PIN4: variants seen among roughly 807,000 people sequenced by gnomAD.
PIN4 encodes the protein peptidyl-prolyl cis-trans isomerase NIMA-interacting 4.
Under a neutral mutation model 8.3 loss-of-function variants are expected in PIN4, and 3 were observed. That is an observed-to-expected ratio of 0.36 (90% CI 0.16 to 0.93). PIN4 has a LOEUF of 0.93. PIN4 is among the 40% of genes least tolerant of loss of function. The pLI is 0.44. For missense variants in PIN4, 75 were observed against 100.6 expected, an observed-to-expected ratio of 0.75 and a Z score of 1.09; for synonymous variants, 18 against 32.5, an observed-to-expected ratio of 0.55 and a Z score of 1.52.
intron 3 of PIN4, among the ~76,000 whole-genome samples, chrX:72,257,158 A>C (rs2043114934): frequency 9.0e-6 from 1 of 110,868 alleles, no homozygotes; most frequent in Non-Finnish European, 1.9e-5. Context: ...GTCTCTACTA[A>C]AAATACAAAA....
rs906110569 is a variant in PIN4, at chrX:72,223,586, G to A, written c.312+26682G>A. The stretch of plus-strand genomic sequence containing the variant: ...GTATTTTTAGTAGAGACGGGGTTTC[G>A]CCATGTTGGTCAGGCTGGTCTCAAA... On this transcript the variant is annotated intron_variant, in intron 3 of 3. Transcript: ENST00000423432. 1.8e-4 allele frequency among the ~76,000 whole-genome samples: 20 copies of A among 109,549 alleles called. 1 individual carries two copies. The highest frequency in any genetic ancestry group is 6.0e-4 in the African/African-American group (18 of 30,140).
chrX:72,189,445 G>A (rs1419354906), intron 2 of PIN4, among the ~76,000 whole-genome samples: 1 of 111,597 alleles, frequency 9.0e-6, no homozygotes, highest in Non-Finnish European at 1.9e-5. Flanking sequence ...TATATGAATG[G>A]AATAATACAG....
chrX:72,213,657 G>A (rs186212276), intron 3 of PIN4, among the ~76,000 whole-genome samples: 4,018 of 112,082 alleles, frequency 0.036, 130 homozygotes, highest in African/African-American at 0.11. Context: ...GCTCCCAATC[G>A]GGCTAAAGGC....
At chrX:72,257,955 G>A (rs777067138) in intron 3 of PIN4, among the ~76,000 whole-genome samples, 29 of 111,844 alleles carry the variant, frequency 2.6e-4, no homozygotes, top group Admixed American at 3.8e-4. Flanking sequence ...GAAAAGCCTC[G>A]TAGCAGAGCT....
chrX:72,209,922 A>C (rs948113856), intron 3 of PIN4, among the ~76,000 whole-genome samples: 1 of 111,240 alleles, frequency 9.0e-6, no homozygotes, highest in Non-Finnish European at 1.9e-5. Flanking sequence ...TACCATACAC[A>C]AAAATTAACT....
intron 3 of PIN4, among the ~76,000 whole-genome samples, chrX:72,227,566 C>T (rs183562048): frequency 9.0e-6 from 1 of 111,438 alleles, no homozygotes; most frequent in Non-Finnish European, 1.9e-5. Context: ...CCACCTCTAC[C>T]AACTCCCCTT....
intron 2 of PIN4, among the ~76,000 whole-genome samples, chrX:72,189,052 C>G (rs1888182359): frequency 9.0e-6 from 1 of 111,497 alleles, no homozygotes; most frequent in Admixed American, 9.6e-5. Flanking sequence ...GTAGTCCCAG[C>G]TACTTGGGAG....
intron 3 of PIN4, among the ~76,000 whole-genome samples, chrX:72,248,291 GAAAAAAAAAA>G (rs55908553): frequency 3.6e-5 from 2 of 54,900 alleles, no homozygotes; most frequent in Non-Finnish European, 8.3e-5. Flanking sequence ...GCTCCATCCA[GAAAAAAAAAA>G]AAAAAAAAAA....
chrX:72,245,069 CAAAAAAAAAAA>C (rs35952560), intron 3 of PIN4, among the ~76,000 whole-genome samples: 19 of 19,755 alleles, frequency 9.6e-4, no homozygotes, highest in African/African-American at 2.2e-3. Context: ...GAGATCCTGT[CAAAAAAAAAAA>C]AAAAAAAAAA....
At chrX:72,221,456 G>C (rs2042922680) in intron 3 of PIN4, among the ~76,000 whole-genome samples, 1 of 110,611 alleles carries the variant, frequency 9.0e-6, no homozygotes, top group East Asian at 2.9e-4. Flanking sequence ...CTTTCATCTG[G>C]GGATGCCTAG....
intron 3 of PIN4, chrX:72,239,101 G>C (rs2043036274): frequency 2.3e-6 from 1 of 429,362 alleles, no homozygotes. Flanking sequence ...CACGCGCTGC[G>C]ACGCCTCCGC....
chrX:72,224,944 A>G (rs1369752866), intron 3 of PIN4, among the ~76,000 whole-genome samples: 1 of 110,744 alleles, frequency 9.0e-6, no homozygotes, highest in Non-Finnish European at 1.9e-5. Context: ...TCATCTACTG[A>G]CTTTTGGCTG....
At chrX:72,249,050 G>A (rs2043077808) in intron 3 of PIN4, among the ~76,000 whole-genome samples, 1 of 111,348 alleles carries the variant, frequency 9.0e-6, no homozygotes, top group African/African-American at 3.3e-5. Context: ...TAATAATTAT[G>A]TTTGCGATAT....
In PIN4 at chrX:72,196,438, A is replaced by T. The variant is rs148707494; in HGVS notation, c.118-347A>T. 9.2e-3 allele frequency among the ~76,000 whole-genome samples: 961 copies of T among 103,949 alleles called. 2 individuals carry two copies. The highest frequency in any genetic ancestry group is 0.014 in the Non-Finnish European group (695 of 50,375). The allele number at this position is 103,949 out of a possible 115,157, so 90.3% of individuals were successfully genotyped here. ...AAACCCAGCTATTCAGGAGGCTGAGACAGGAGAATTGCTTGAACCCGGGAG... is the reference window on the plus strand; with the variant it reads ...AAACCCAGCTATTCAGGAGGCTGAGTCAGGAGAATTGCTTGAACCCGGGAG... On this transcript the variant is annotated intron_variant, in intron 2 of 3. Coordinates refer to ENST00000373669, the MANE Select transcript of PIN4 (RefSeq NM_006223.4).
downstream of PIN4, chrX:72,198,636 C>T (rs1035394119): frequency 8.8e-6 from 1 of 113,775 alleles, no homozygotes; most frequent in Non-Finnish European, 1.9e-5. Context: ...ATCACTTGAG[C>T]CCAGGAGTTC....
At chrX:72,193,235 G>C (rs1004865874) in intron 2 of PIN4, among the ~76,000 whole-genome samples, 5 of 111,314 alleles carry the variant, frequency 4.5e-5, no homozygotes, top group African/African-American at 1.6e-4. Context: ...CGAATGCAGT[G>C]TACATTTTCC....
intron 3 of PIN4, among the ~76,000 whole-genome samples, chrX:72,243,986 C>T (rs1402171479): frequency 8.9e-6 from 1 of 112,324 alleles, no homozygotes; most frequent in Non-Finnish European, 1.9e-5. Context: ...CGACTTTTTG[C>T]TCTTTAACAT....
At chrX:72,237,826 C>T (rs1158963780) in intron 3 of PIN4, 1 of 110,753 alleles carries the variant, frequency 9.0e-6, no homozygotes, top group East Asian at 2.8e-4. Context: ...CATGGTGGCA[C>T]CCACCTTAAG....
At chrX:72,261,468 G>A (rs1374220477) in intron 3 of PIN4, among the ~76,000 whole-genome samples, 2 of 111,583 alleles carry the variant, frequency 1.8e-5, no homozygotes, top group Non-Finnish European at 3.8e-5. Context: ...TATAAGCCTC[G>A]ATTCTAATGT....
Sources: allele counts gnomAD v4.1 joint callset (sites outside exome capture counted in the v4.1 genomes callset), GRCh38; gene constraint gnomAD v4.1.1; transcripts MANE v1.5; gene names NCBI Gene and HGNC (gene_info 2026-07-23, HGNC 2026-07-21).